PCDHA4: variants seen among roughly 807,000 people sequenced by gnomAD.
PCDHA4 encodes the protein protocadherin alpha 4, also known as protocadherin alpha-4.
A neutral mutation model predicts 61.4 loss-of-function variants in PCDHA4; 49 were observed. The ratio of observed to expected loss-of-function variants is 0.80; its 90% confidence interval spans 0.63 to 1.01. The LOEUF (loss-of-function observed/expected upper bound fraction) is 1.01. Among genes scored for constraint, PCDHA4 ranks in the 50% least tolerant of loss-of-function variants. The pLI is 0.00. For synonymous variants in PCDHA4, 590 were observed against 550.3 expected, an observed-to-expected ratio of 1.07 and a Z score of -1.01; for missense variants, 1,254 against 1,235.8, an observed-to-expected ratio of 1.01 and a Z score of -0.22.
intron 1 of PCDHA4, chr5:140,848,665 C>A (rs1428126460): frequency 4.4e-6 from 7 of 1,592,108 alleles, no homozygotes; most frequent in Non-Finnish European, 5.2e-6. Flanking sequence ...CTGGAGCTGG[C>A]GGAGCTGGTG....
chr5:140,901,917 T>C (rs776284320), intron 1 of PCDHA4, among the ~76,000 whole-genome samples: 15 of 152,090 alleles, frequency 9.9e-5, no homozygotes, highest in Admixed American at 4.6e-4. Context: ...ATCTTTCACT[T>C]CTTTGGTTAA....
At chr5:140,993,103 G>A (rs2097540365) in intron 3 of PCDHA4, among the ~76,000 whole-genome samples, 1 of 152,218 alleles carries the variant, frequency 6.6e-6, no homozygotes, top group East Asian at 1.9e-4. Context: ...TTTATTCAGC[G>A]GTCAGTGTCA....
At chr5:140,895,968 G>A (rs190056652) in intron 1 of PCDHA4, among the ~76,000 whole-genome samples, 2 of 151,938 alleles carry the variant, frequency 1.3e-5, no homozygotes, top group African/African-American at 2.4e-5. Context: ...CTGTCACCAG[G>A]CCTAGCTAAT....
intron 1 of PCDHA4, among the ~76,000 whole-genome samples, chr5:140,948,089 G>A (rs1348120900): frequency 6.6e-6 from 1 of 151,454 alleles, no homozygotes; most frequent in African/African-American, 2.4e-5. Flanking sequence ...CTATTGATAT[G>A]AGCATATGAT....
At chr5:140,883,910 A>G in intron 1 of PCDHA4, 4 of 1,613,424 alleles carry the variant, frequency 2.5e-6, no homozygotes, top group Non-Finnish European at 3.4e-6. Context: ...TCTGGGCAGC[A>G]ACGTGACGCT....
At position 140,858,141 on chromosome 5, in the gene PCDHA4, T is replaced by C. The variant is rs1247420166; in HGVS notation, c.2385+48569T>C. 4 of 1,597,496 alleles carry C rather than the reference T, an allele frequency of 2.5e-6. No individual in the cohort carries two copies. The African/African-American group carries it at 5.4e-5, about 21-fold the overall frequency. ...GCCCTGGTGGATGTCAACGTGTACC[T>C]GATCATCGCCATCTGCGCGGTGTCC... On this transcript the variant is annotated intron_variant, in intron 1 of 3. Transcript: ENST00000530339.
intron 1 of PCDHA4, chr5:140,857,545 C>A (rs782516369): frequency 6.3e-7 from 1 of 1,596,810 alleles, no homozygotes; most frequent in African/African-American, 1.3e-5. Flanking sequence ...GGCGGTTGGG[C>A]GAGCGCTCGC....
In PCDHA4 at chr5:140,982,309, G is replaced by A. The variant is rs1459964622; in HGVS notation, c.2445-166G>A. On this transcript the variant is annotated intron_variant, in intron 2 of 3. Coordinates refer to ENST00000530339, the MANE Select transcript of PCDHA4 (RefSeq NM_018907.4). Reference sequence around the variant, plus strand: ...TAAGTAAGTCAGCAATGCTTCTGCAGTTTATGCAGGGTGACTGCTCAGCAG... The same window carrying A: ...TAAGTAAGTCAGCAATGCTTCTGCAATTTATGCAGGGTGACTGCTCAGCAG... 5.4e-6 allele frequency: 7 copies of A among 1,306,624 alleles called. No homozygotes were observed. The Admixed American group carries it at 1.8e-4, about 34-fold the overall frequency. The allele number at this position is 1,306,624 out of a possible 1,614,324, so 80.9% of individuals were successfully genotyped here. A position where few individuals can be genotyped will look rare whatever the true frequency, so the allele number is the denominator to read the frequency against.
At chr5:140,907,229 A>C (rs1562959472) in intron 1 of PCDHA4, among the ~76,000 whole-genome samples, 1 of 152,180 alleles carries the variant, frequency 6.6e-6, no homozygotes, top group Non-Finnish European at 1.5e-5. Flanking sequence ...AAGTATTGTC[A>C]CCTAGTTGAC....
At chr5:140,947,648 T>C (rs1476825159) in intron 1 of PCDHA4, among the ~76,000 whole-genome samples, 1 of 151,646 alleles carries the variant, frequency 6.6e-6, no homozygotes, top group Non-Finnish European at 1.5e-5. Context: ...TGAACATATA[T>C]ACCTCCATTT....
intron 1 of PCDHA4, among the ~76,000 whole-genome samples, chr5:140,977,726 C>T (rs368776202): frequency 2.0e-5 from 3 of 152,290 alleles, no homozygotes; most frequent in African/African-American, 7.2e-5. Flanking sequence ...GATCATTTCT[C>T]TCCTGGGTGT....
At chr5:140,940,271 T>C (rs1371680526) in intron 1 of PCDHA4, among the ~76,000 whole-genome samples, 1 of 152,228 alleles carries the variant, frequency 6.6e-6, no homozygotes, top group East Asian at 1.9e-4. Context: ...GGTTCCACTG[T>C]TGTCTCATTG....
At chr5:140,927,981 T>C (rs2084836319) in intron 1 of PCDHA4, 2 of 1,614,206 alleles carry the variant, frequency 1.2e-6, no homozygotes, top group Non-Finnish European at 1.7e-6. Flanking sequence ...CTCTCTTTAG[T>C]GTAAAGGATG....
At chr5:140,874,672 C>A (rs2055057233) in intron 1 of PCDHA4, among the ~76,000 whole-genome samples, 1 of 152,126 alleles carries the variant, frequency 6.6e-6, no homozygotes, top group South Asian at 2.1e-4. Flanking sequence ...GAATCTATTC[C>A]TGAGATTTGT....
rs2150461572 is a variant in PCDHA4 at position 140,849,985 on chromosome 5, G to T, written c.2385+40413G>T. On this transcript the variant is annotated intron_variant, in intron 1 of 3. Transcript: ENST00000530339. Reference sequence around the variant, plus strand: ...CTGGTGTCCTACTCGCTGGTGGAGCGGCGGTTGGGCGAGCGCTCGCTGTCG... The same window carrying T: ...CTGGTGTCCTACTCGCTGGTGGAGCTGCGGTTGGGCGAGCGCTCGCTGTCG... 32 of 1,597,274 alleles carry T rather than the reference G, an allele frequency of 2.0e-5. No homozygotes were observed. In the East Asian group the frequency reaches 2.2e-4, roughly 11 times the overall value.
chr5:140,993,462 TCACA>T (rs3836747), intron 3 of PCDHA4, among the ~76,000 whole-genome samples: 18,508 of 140,892 alleles, frequency 0.13, 1,341 homozygotes, highest in African/African-American at 0.21. Flanking sequence ...TCTTTCTTTC[TCACA>T]CACACACACA....
intron 1 of PCDHA4, among the ~76,000 whole-genome samples, chr5:140,904,267 A>C (rs2070997540): frequency 6.6e-6 from 1 of 152,016 alleles, no homozygotes; most frequent in South Asian, 2.1e-4. Context: ...CCCACTTATG[A>C]ATGAGAACAT....
At chr5:140,974,712 G>C (rs999445044) in intron 1 of PCDHA4, among the ~76,000 whole-genome samples, 1 of 152,076 alleles carries the variant, frequency 6.6e-6, no homozygotes, top group African/African-American at 2.4e-5. Flanking sequence ...TGTTGTTCAA[G>C]CTGCTCTCGA....
At chr5:140,830,114 G>A (rs2150181303) in intron 1 of PCDHA4, 1 of 1,613,542 alleles carries the variant, frequency 6.2e-7, no homozygotes, top group South Asian at 1.1e-5. Context: ...GAGTGGCCAG[G>A]CTCCAAAGGC....
Sources: allele counts gnomAD v4.1 joint callset (sites outside exome capture counted in the v4.1 genomes callset), GRCh38; gene constraint gnomAD v4.1.1; transcripts MANE v1.5; gene names NCBI Gene and HGNC (gene_info 2026-07-23, HGNC 2026-07-21).